TJP2: variants seen among roughly 807,000 people sequenced by gnomAD.
The protein encoded by TJP2 is Friedreich ataxia region gene X104 (tight junction protein ZO-2).
A neutral mutation model predicts 133.1 loss-of-function variants in TJP2; 91 were observed. That is an observed-to-expected ratio of 0.68 (90% confidence interval 0.58 to 0.81). The LOEUF (loss-of-function observed/expected upper bound fraction) is 0.81. TJP2 is among the 40% of genes least tolerant of loss of function. The probability of loss-of-function intolerance (pLI) is 0.00; values close to 1 mark genes in which losing one functional copy is unlikely to be tolerated. For synonymous variants in TJP2, 592 were observed against 583.4 expected (o/e 1.01, Z -0.21); for missense variants, 1,541 against 1,565.6 (o/e 0.98, Z 0.26).
intron 1 of TJP2, among the ~76,000 whole-genome samples, chr9:69,202,397 T>C (rs544271774): frequency 1.3e-5 from 2 of 152,254 alleles, no homozygotes; most frequent in Admixed American, 1.3e-4. Flanking sequence ...GTGGGACACA[T>C]ACATTCAAAC....
chr9:69,188,610 A>G (rs879338645), intron 1 of TJP2, among the ~76,000 whole-genome samples: 8 of 152,142 alleles, frequency 5.3e-5, no homozygotes, highest in Non-Finnish European at 8.8e-5. Context: ...TAACATATCA[A>G]TGTTGTCAAG....
intron 1 of TJP2, among the ~76,000 whole-genome samples, chr9:69,193,061 G>A (rs1048416103): frequency 7.3e-5 from 11 of 151,574 alleles, no homozygotes; most frequent in African/African-American, 1.7e-4. Flanking sequence ...CACTACAGGC[G>A]TGCGCCACCA....
intron 1 of TJP2, among the ~76,000 whole-genome samples, chr9:69,146,195 G>T (rs1259983479): frequency 6.6e-6 from 1 of 152,148 alleles, no homozygotes; most frequent in Non-Finnish European, 1.5e-5. Context: ...GTGTTTTTCT[G>T]ATTAAAGTGT....
At chr9:69,133,505 G>A (rs527385960) in intron 1 of TJP2, among the ~76,000 whole-genome samples, 7 of 149,566 alleles carry the variant, frequency 4.7e-5, no homozygotes, top group East Asian at 2.0e-4. Flanking sequence ...ACACTGCTCC[G>A]CTTGCTGGTC....
At chr9:69,212,495 A>G in intron 1 of TJP2, 53 bp from the exon 2 acceptor site, 1 of 1,310,792 alleles carries the variant, frequency 7.6e-7, no homozygotes, top group Non-Finnish European at 1.1e-6. Context: ...TTTTATTTCT[A>G]GCATTGAAAA....
chr9:69,187,782 G>A (rs1290708383), intron 1 of TJP2, among the ~76,000 whole-genome samples: 1 of 152,160 alleles, frequency 6.6e-6, no homozygotes, highest in Non-Finnish European at 1.5e-5. Context: ...GCATTCCTAG[G>A]TAGGCATGAT....
At chr9:69,157,311 A>G (rs1823820081) in intron 2 of TJP2, among the ~76,000 whole-genome samples, 1 of 152,144 alleles carries the variant, frequency 6.6e-6, no homozygotes, top group Non-Finnish European at 1.5e-5. Flanking sequence ...TACCCATCCC[A>G]TGAGGTGGAG....
At chr9:69,185,943 A>AT (rs1164125334) in intron 1 of TJP2, among the ~76,000 whole-genome samples, 49 of 99,238 alleles carry the variant, frequency 4.9e-4, no homozygotes, top group Admixed American at 2.2e-4. Context: ...AATTTTTTGT[A>AT]TTTTTTAGTA....
chr9:69,242,802 T>C (rs932510755), intron 17 of TJP2, among the ~76,000 whole-genome samples: 1 of 152,234 alleles, frequency 6.6e-6, no homozygotes, highest in African/African-American at 2.4e-5. Context: ...CTGTGTGCCA[T>C]GTCCAGAAAC....
At chr9:69,131,419 G>T (rs1023345932) in intron 1 of TJP2, among the ~76,000 whole-genome samples, 1 of 152,208 alleles carries the variant, frequency 6.6e-6, no homozygotes, top group Admixed American at 6.5e-5. Context: ...GGTCCTCTGA[G>T]AGTGAGCTGT....
At chr9:69,240,203 A>G (rs1830489585) in intron 17 of TJP2, 56 bp downstream of exon 17, 2 of 1,469,448 alleles carry the variant, frequency 1.4e-6, no homozygotes, top group Non-Finnish European at 1.9e-6. Flanking sequence ...AAAGAATTGA[A>G]GAGTAGAAGA....
intron 21 of TJP2, 68 bp from the exon 22 acceptor site, chr9:69,252,747 A>T: frequency 6.8e-7 from 1 of 1,472,582 alleles, no homozygotes. Context: ...ACCAGCAGGA[A>T]ACCAGCAAGC....
At position 69,218,231 on chromosome 9, in the gene TJP2, G is replaced by T. The variant is rs1399003341; in HGVS notation, c.240-26G>T. The T allele has an allele frequency of 3.9e-6, 6 of 1,553,996 alleles. No individual in the cohort carries two copies. In the Admixed American group the frequency reaches 5.0e-5, roughly 13 times the overall value. On this transcript the variant is annotated intron_variant, in intron 3 of 22. Coordinates refer to ENST00000377245, the MANE Select transcript of TJP2 (RefSeq NM_004817.4). ...CAATGAATAGATGGGAGTTTTTCAT[G>T]ACCCATTTTTATTTCTTGTTTACAG...
intron 15 of TJP2, 98 bp downstream of exon 15, chr9:69,238,071 C>T: frequency 2.5e-6 from 2 of 813,272 alleles, no homozygotes; most frequent in South Asian, 2.9e-5. Flanking sequence ...TACCCTTCAC[C>T]TGGAATCACC....
rs561570829 is a variant in TJP2 at position 69,254,217 on chromosome 9, C to A, written c.3416C>A (p.Pro1139His). Residue 1139 changes from proline (P) to histidine (H), a missense_variant, in exon 23 of 23, where the codon CCC becomes CAC. Coordinates refer to ENST00000377245, the MANE Select transcript of TJP2 (RefSeq NM_004817.4). ...PGTPQHTSSRPPEPQKAPSRP... is the reference protein window; with the variant it reads ...PGTPQHTSSRHPEPQKAPSRP... ...CACCCTTTTTTTGTTAGTTCCAGAC[C>A]CCCTGAGCCACAGAAAGCTCCTTCC... 6.2e-7 allele frequency: 1 copy of A among 1,614,058 alleles called. No homozygotes were observed. The highest frequency in any genetic ancestry group is 1.3e-5 in the African/African-American group (1 of 74,918).
At chr9:69,227,741 G>A in intron 7 of TJP2, 24 bp from the exon 8 acceptor site, 2 of 1,466,192 alleles carry the variant, frequency 1.4e-6, no homozygotes, top group Non-Finnish European at 1.9e-6. Flanking sequence ...TTATTTAAAA[G>A]TCTTTTCTTA....
Position 69,236,167 on chromosome 9 carries a change from C to G in TJP2, c.1920C>G (p.Gly640=), listed in dbSNP as rs770101588. 1 of 1,614,182 alleles carries G rather than the reference C, an allele frequency of 6.2e-7. No homozygotes were observed. The highest frequency in any genetic ancestry group is 8.5e-7 in the Non-Finnish European group (1 of 1,180,040). ...VFRVVDTLYD[G]KLGNWLAVRI... The stretch of plus-strand genomic sequence containing the variant: ...GAGTGGTAGACACACTGTATGACGG[C>G]AAGCTGGGCAACTGGCTGGCTGTGA... The change falls in exon 13 of 23, where the codon GGC becomes GGG. Residue 640 remains glycine (G), a synonymous_variant. Transcript: ENST00000377245.
chr9:69,248,665 AG>A (rs1043237341), intron 19 of TJP2: 215 of 1,043,138 alleles, frequency 2.1e-4, no homozygotes, highest in Non-Finnish European at 2.3e-4. Flanking sequence ...TTTCCCCATC[AG>A]TTTCCTTCTC....
In TJP2 at chr9:69,225,339, A is replaced by G. The variant is rs976139475; in HGVS notation, c.988A>G (p.Lys330Glu). 1.9e-6 allele frequency: 3 copies of G among 1,613,810 alleles called. No individual in the cohort carries two copies. Among genetic ancestry groups the G allele is most frequent in the Non-Finnish European group, 2.5e-6 (3 of 1,179,900 alleles). ...CCGGCTTGGGAGTCAGATCTTCGTA[A>G]AGGAAATGACCCGAACGGGTCTGGC... Reference protein sequence around the residue: ...GLRLGSQIFVKEMTRTGLATK... With the variant: ...GLRLGSQIFVEEMTRTGLATK... The change falls in exon 6 of 23, where the codon AAG becomes GAG. Residue 330 changes from lysine (K) to glutamate (E), a missense_variant. Transcript: ENST00000377245.
Sources: gnomAD v4.1 joint callset for allele counts (sites outside exome capture counted in the v4.1 genomes callset) on GRCh38, gnomAD v4.1.1 for gene constraint, MANE v1.5 for transcripts, NCBI Gene and HGNC (gene_info 2026-07-23, HGNC 2026-07-21) for gene names.